Variants in ARHGAP6 observed in about 807,000 individuals in gnomAD.
ARHGAP6 encodes Rho GTPase activating protein 6, also known as rho GTPase-activating protein 6.
A neutral mutation model predicts 55.7 loss-of-function variants in ARHGAP6; 16 were observed. That is an observed-to-expected ratio of 0.29 (90% CI 0.19 to 0.44). The LOEUF (loss-of-function observed/expected upper bound fraction) is 0.44, where lower values mean the gene tolerates loss of function less well. Among genes scored for constraint, ARHGAP6 ranks in the 20% least tolerant of loss-of-function variants. ARHGAP6 has a pLI of 1.00. For missense variants in ARHGAP6, 698 were observed against 808.9 expected, an observed-to-expected ratio of 0.86 and a Z score of 1.66; for synonymous variants, 382 against 360.9, an observed-to-expected ratio of 1.06 and a Z score of -0.66.
intron 1 of ARHGAP6, among the ~76,000 whole-genome samples, chrX:11,529,504 G>A (rs1243801190): frequency 8.9e-6 from 1 of 112,073 alleles, no homozygotes; most frequent in Admixed American, 9.5e-5. Context: ...GTTTCTAAAT[G>A]TTTACTCTTG....
rs112230644 is a variant in ARHGAP6 at position 11,515,955 on chromosome X, G to A, written c.588+148286C>T. The stretch of plus-strand genomic sequence containing the variant: ...CCCCAGGGGTGTTTCACCCCCAAAC[G>A]TGATATCCCAAATGAAAATCAACAA... On this transcript the variant is annotated intron_variant, in intron 1 of 12. Transcript: ENST00000337414. 6.8e-3 allele frequency among the ~76,000 whole-genome samples: 769 copies of A among 112,391 alleles called. 6 individuals are homozygous for A. Among genetic ancestry groups the A allele is most frequent in the African/African-American group, 0.024 (735 of 31,021 alleles).
intron 1 of ARHGAP6, among the ~76,000 whole-genome samples, chrX:11,646,813 A>G (rs1359414062): frequency 8.9e-6 from 1 of 112,555 alleles, no homozygotes; most frequent in Non-Finnish European, 1.9e-5. Flanking sequence ...TGACTAAAAT[A>G]TTTTGACAAA....
chrX:11,427,605 G>T (rs906779160), intron 1 of ARHGAP6: 1 of 888,743 alleles, frequency 1.1e-6, no homozygotes, highest in African/African-American at 2.2e-5. Flanking sequence ...TGTCGCCTCC[G>T]GGAGGAGTGG....
Position 11,453,610 on chromosome X carries a change from C to T in ARHGAP6, c.589-198903G>A, listed in dbSNP as rs765204664. ...TAAATGACTTGTTTTAAAATTACTT[C>T]TGGTTGTACCAATAGTATTCTCTTG... On this transcript the variant is annotated intron_variant, in intron 1 of 12. Transcript: ENST00000337414. Among the ~76,000 whole-genome samples the T allele has an allele frequency of 3.7e-4, 41 of 110,788 alleles. No individual in the cohort carries two copies. The South Asian group carries it at 6.1e-3, about 16-fold the overall frequency.
intron 9 of ARHGAP6, 43 bp from the exon 10 acceptor site, chrX:11,156,669 A>G (rs753183711): frequency 2.0e-6 from 2 of 1,021,551 alleles, no homozygotes; most frequent in African/African-American, 3.7e-5. Context: ...ACCATTCCAG[A>G]AACAGGCAAC....
At chrX:11,337,077 A>T (rs1195013857) in intron 1 of ARHGAP6, among the ~76,000 whole-genome samples, 9 of 110,260 alleles carry the variant, frequency 8.2e-5, no homozygotes, top group Non-Finnish European at 1.7e-4. Flanking sequence ...GGGTTCCGAG[A>T]TTGCATCCCA....
intron 1 of ARHGAP6, among the ~76,000 whole-genome samples, chrX:11,434,732 T>A (rs1194087311): frequency 1.8e-5 from 2 of 111,483 alleles, no homozygotes; most frequent in Non-Finnish European, 3.8e-5. Context: ...ATGTTAAGAA[T>A]TCGTTGTCAG....
chrX:11,493,802 G>T (rs1330499561), intron 1 of ARHGAP6, among the ~76,000 whole-genome samples: 1 of 106,374 alleles, frequency 9.4e-6, no homozygotes, highest in African/African-American at 3.4e-5. Context: ...ACAGAAAAAG[G>T]TTATGTAAGA....
rs188913335 is a variant in ARHGAP6 at position 11,465,025 on chromosome X, C to T, written c.588+199216G>A. On this transcript the variant is annotated intron_variant, in intron 1 of 12. Coordinates refer to ENST00000337414, the MANE Select transcript of ARHGAP6 (RefSeq NM_013427.3). Reference sequence around the variant, plus strand: ...CTTAATCTTGTTTGCCAGGTCGCCACGCATCACTCATTACTCACTGATCTT... The same window carrying T: ...CTTAATCTTGTTTGCCAGGTCGCCATGCATCACTCATTACTCACTGATCTT... Among the ~76,000 whole-genome samples the T allele has an allele frequency of 3.6e-5, 4 of 111,936 alleles. 1 individual carries two copies. The Admixed American group carries it at 3.8e-4, about 11-fold the overall frequency.
At chrX:11,611,491 C>A (rs372140261) in intron 1 of ARHGAP6, among the ~76,000 whole-genome samples, 1 of 111,631 alleles carries the variant, frequency 9.0e-6, no homozygotes, top group East Asian at 2.8e-4. Flanking sequence ...AGGATTATTT[C>A]CATTAGGACA....
chrX:11,184,949 C>A (rs767614259), intron 5 of ARHGAP6, among the ~76,000 whole-genome samples: 4 of 112,085 alleles, frequency 3.6e-5, no homozygotes, highest in Non-Finnish European at 7.5e-5. Flanking sequence ...ATGGTAGAGC[C>A]TAGTGCTCCT....
chrX:11,352,598 CTT>C (rs751185966), intron 1 of ARHGAP6, among the ~76,000 whole-genome samples: 2 of 111,909 alleles, frequency 1.8e-5, no homozygotes, highest in Admixed American at 9.5e-5. Flanking sequence ...AGTGTAGTGA[CTT>C]GTCCTCCATG....
intron 10 of ARHGAP6, among the ~76,000 whole-genome samples, chrX:11,147,146 C>T (rs1446147687): frequency 1.8e-5 from 2 of 112,064 alleles, no homozygotes; most frequent in Admixed American, 9.4e-5. Flanking sequence ...CCAACACACA[C>T]GCACATACAT....
intron 1 of ARHGAP6, among the ~76,000 whole-genome samples, chrX:11,340,592 A>G (rs58675164): frequency 0.022 from 2,381 of 106,127 alleles, 53 homozygotes; most frequent in African/African-American, 0.038. Context: ...AGCCGGGCGT[A>G]GTGGCGGGCG....
intron 1 of ARHGAP6, among the ~76,000 whole-genome samples, chrX:11,586,947 G>T (rs2051741538): frequency 8.9e-6 from 1 of 111,928 alleles, no homozygotes; most frequent in Non-Finnish European, 1.9e-5. Flanking sequence ...GTGAATGGGA[G>T]TTCGTTACTG....
At chrX:11,388,145 G>T (rs889148873) in intron 1 of ARHGAP6, among the ~76,000 whole-genome samples, 1 of 112,027 alleles carries the variant, frequency 8.9e-6, no homozygotes, top group Non-Finnish European at 1.9e-5. Context: ...TTCCACAATG[G>T]TTGAACTAGT....
At chrX:11,245,170 CTCTA>C (rs2047336111) in intron 2 of ARHGAP6, among the ~76,000 whole-genome samples, 1 of 112,208 alleles carries the variant, frequency 8.9e-6, no homozygotes, top group Non-Finnish European at 1.9e-5. Flanking sequence ...ATCTCCACTG[CTCTA>C]TCTTTTAATA....
rs185700492 is a variant in ARHGAP6, at chrX:11,216,464, G to A, written c.749-19468C>T. On this transcript the variant is annotated intron_variant, in intron 2 of 12. Transcript: ENST00000337414. ...AGGTCAGGAGTTTGAGACCAGCCTG[G>A]CGAAAATGGTGAAACCCTGTCTCAC... Among the ~76,000 whole-genome samples, 7 of 111,392 alleles carry A rather than the reference G, an allele frequency of 6.3e-5. No homozygotes were observed. The South Asian group carries it at 1.1e-3, about 18-fold the overall frequency.
intron 1 of ARHGAP6, among the ~76,000 whole-genome samples, chrX:11,369,392 A>T (rs1301332059): frequency 9.0e-6 from 1 of 111,029 alleles, no homozygotes; most frequent in Non-Finnish European, 1.9e-5. Context: ...GGCTGAGGAC[A>T]GCACTTTGAG....
Sources: allele counts gnomAD v4.1 joint callset (sites outside exome capture counted in the v4.1 genomes callset), GRCh38; gene constraint gnomAD v4.1.1; transcripts MANE v1.5; gene names NCBI Gene and HGNC (gene_info 2026-07-23, HGNC 2026-07-21).